Variants in ITGAE observed in about 807,000 individuals in gnomAD.
ITGAE encodes the protein integrin subunit alpha E.
ITGAE carries 99 observed loss-of-function variants against 136.5 expected under a neutral mutation model. The ratio of observed to expected loss-of-function variants is 0.73; its 90% CI spans 0.62 to 0.86. ITGAE has a LOEUF of 0.86. Among genes scored for constraint, ITGAE ranks in the 40% least tolerant of loss-of-function variants. ITGAE has a pLI of 0.00. For missense variants in ITGAE, 1,447 were observed against 1,515.3 expected (o/e 0.95, Z 0.75); for synonymous variants, 613 against 591.8 (o/e 1.04, Z -0.52).
chr17:3,734,957 G>T lies in ITGAE; in HGVS notation c.2523-8C>A, dbSNP rs1356414363. 3.1e-6 allele frequency: 5 copies of T among 1,613,956 alleles called. No individual in the cohort carries two copies. The Admixed American group carries it at 8.3e-5, about 27-fold the overall frequency. On this transcript the variant is annotated splice_region_variant and splice_polypyrimidine_tract_variant and intron_variant, in intron 20 of 30. Transcript: ENST00000263087. The stretch of plus-strand genomic sequence containing the variant: ...CCCACCACCAACTCCTGCCTGCACA[G>T]GGTACAGATAAAAATGTTACAGTTT...
intron 26 of ITGAE, 50 bp downstream of exon 26, chr17:3,727,867 CTG>C: frequency 1.8e-6 from 2 of 1,100,028 alleles, no homozygotes; most frequent in Non-Finnish European, 2.8e-6. Flanking sequence ...ACTTGAGACT[CTG>C]TAGTCACTGT....
At position 3,778,520 on chromosome 17, in the gene ITGAE, A is replaced by T. The variant is rs191066689; in HGVS notation, c.35-860T>A. Among the ~76,000 whole-genome samples the T allele has an allele frequency of 9.2e-5, 14 of 152,254 alleles. 1 individual carries two copies. Among genetic ancestry groups the T allele is most frequent in the Admixed American group, 8.5e-4 (13 of 15,284 alleles). On this transcript the variant is annotated intron_variant, in intron 1 of 30. Coordinates refer to ENST00000263087, the MANE Select transcript of ITGAE (RefSeq NM_002208.5). ...AGAGGTTGCAGTGAGCCGAGATTGC[A>T]CCGCTGCACTCCAGCCTGAGCAACA...
At chr17:3,743,860 G>A (rs561629470) in intron 18 of ITGAE, among the ~76,000 whole-genome samples, 2 of 151,554 alleles carry the variant, frequency 1.3e-5, no homozygotes, top group East Asian at 1.9e-4. Flanking sequence ...GTGCTACCAC[G>A]CCTGGCTAAT....
chr17:3,724,359 G>A, intron 26 of ITGAE: 1 of 1,601,314 alleles, frequency 6.2e-7, no homozygotes, highest in Non-Finnish European at 8.5e-7. Context: ...CCCCAGCCGC[G>A]ACTCCGGCCG....
At chr17:3,761,891 C>A in intron 4 of ITGAE, 24 bp downstream of exon 4, 1 of 1,607,428 alleles carries the variant, frequency 6.2e-7, no homozygotes, top group Non-Finnish European at 8.5e-7. Context: ...CTAAGGCCCT[C>A]CCTCCTCTCG....
At chr17:3,728,837 G>C (rs1037651468) in intron 24 of ITGAE, among the ~76,000 whole-genome samples, 1 of 151,472 alleles carries the variant, frequency 6.6e-6, no homozygotes. Context: ...TTCAAGACCA[G>C]CCTGGCCAAC....
chr17:3,755,106 C>A lies in ITGAE; in HGVS notation c.1384+11G>T. ...GGTGGCCCCGCCCTCATCAGGTGGC[C>A]CCGCCCTCACCCAGGTAGCTGTACT... On this transcript the variant is annotated intron_variant, in intron 12 of 30. Coordinates refer to ENST00000263087, the MANE Select transcript of ITGAE (RefSeq NM_002208.5). 6.3e-7 allele frequency: 1 copy of A among 1,582,966 alleles called. No individual in the cohort carries two copies. Among genetic ancestry groups the A allele is most frequent in the Non-Finnish European group, 8.6e-7 (1 of 1,168,294 alleles).
At chr17:3,794,838 T>TC (rs1256176163) in intron 1 of ITGAE, among the ~76,000 whole-genome samples, 2 of 151,754 alleles carry the variant, frequency 1.3e-5, no homozygotes, top group African/African-American at 4.8e-5. Context: ...GGGGCCTTCT[T>TC]CCCCCCGTTT....
At chr17:3,753,974 G>A (rs1400001640) in intron 12 of ITGAE, 49 bp from the exon 13 acceptor site, 3 of 1,591,294 alleles carry the variant, frequency 1.9e-6, no homozygotes, top group Non-Finnish European at 2.6e-6. Context: ...CTCCCACCTG[G>A]CCTCTCTCTT....
rs116382219 is a variant in ITGAE, at chr17:3,796,361, C to T, written c.34+4750G>A. On this transcript the variant is annotated intron_variant, in intron 1 of 30. Coordinates refer to ENST00000263087, the MANE Select transcript of ITGAE (RefSeq NM_002208.5). ...AACCACCTCCTGTTGCATTTCCCACCAGGACTCAGAAAACAGCATTGTCTT... is the reference window on the plus strand; with the variant it reads ...AACCACCTCCTGTTGCATTTCCCACTAGGACTCAGAAAACAGCATTGTCTT... Among the ~76,000 whole-genome samples, 743 of 152,228 alleles carry T rather than the reference C, an allele frequency of 4.9e-3. 6 individuals carry two copies. Among genetic ancestry groups the T allele is most frequent in the African/African-American group, 0.017 (706 of 41,522 alleles).
Position 3,734,727 on chromosome 17 carries a change from G to A in ITGAE, c.2655+90C>T. The A allele has an allele frequency of 5.3e-6, 8 of 1,502,804 alleles. No individual in the cohort carries two copies. The South Asian group carries it at 8.4e-5, about 16-fold the overall frequency. 93.1% of individuals were successfully genotyped at this position (1,502,804 alleles called of 1,614,324 possible). ...GGACCAGGAGGAGGCTGGAGGCAGG[G>A]GTGCCAGTGAGGGGGCCACCACAGA... On this transcript the variant is annotated intron_variant, in intron 21 of 30. Coordinates refer to ENST00000263087, the MANE Select transcript of ITGAE (RefSeq NM_002208.5).
intron 2 of ITGAE, among the ~76,000 whole-genome samples, chr17:3,773,593 G>A (rs73318134): frequency 0.092 from 14,000 of 152,082 alleles, 704 homozygotes; most frequent in East Asian, 0.18. Flanking sequence ...ATGCCCTCTC[G>A]GGGGCCACCC....
At position 3,751,632 on chromosome 17, in the gene ITGAE, G is replaced by A; in HGVS notation, c.1893+18C>T. 1.9e-6 allele frequency: 3 copies of A among 1,607,620 alleles called. No homozygotes were observed. Among genetic ancestry groups the A allele is most frequent in the Non-Finnish European group, 2.6e-6 (3 of 1,174,538 alleles). ...TCAGAGCCCCAGAGGAGAGGAAGGA[G>A]AGGGCCCCATGGGTCACCTGCGAGG... On this transcript the variant is annotated intron_variant, in intron 15 of 30. Coordinates refer to ENST00000263087, the MANE Select transcript of ITGAE (RefSeq NM_002208.5).
At chr17:3,755,283 C>T in intron 11 of ITGAE, 22 bp from the exon 12 acceptor site, 1 of 1,546,630 alleles carries the variant, frequency 6.5e-7, no homozygotes, top group Non-Finnish European at 8.7e-7. Flanking sequence ...GGGGATGGGG[C>T]CCAGATGAGT....
At chr17:3,718,262 T>C (rs1245013564) in intron 29 of ITGAE, 1 of 152,252 alleles carries the variant, frequency 6.6e-6, no homozygotes, top group African/African-American at 2.4e-5. Context: ...CTGGGAGCTT[T>C]TGGAAACTGT....
At chr17:3,723,198 C>G (rs1468529912) in intron 28 of ITGAE, 90 bp downstream of exon 28, 1 of 909,932 alleles carries the variant, frequency 1.1e-6, no homozygotes, top group African/African-American at 1.6e-5. Context: ...TGGACATGGA[C>G]ATGTTATGCA....
In ITGAE at chr17:3,769,972, C is replaced by T. The variant is rs1188420493; in HGVS notation, c.156-6012G>A. On this transcript the variant is annotated intron_variant, in intron 2 of 30. Coordinates refer to ENST00000263087, the MANE Select transcript of ITGAE (RefSeq NM_002208.5). Reference sequence around the variant, plus strand: ...CCTTCCAAAGTGCTGAGACTACAGGCACGAGCCACCATGCCTGACCTTATT... The same window carrying T: ...CCTTCCAAAGTGCTGAGACTACAGGTACGAGCCACCATGCCTGACCTTATT... 3.3e-5 allele frequency among the ~76,000 whole-genome samples: 5 copies of T among 152,086 alleles called. No homozygotes were observed. The East Asian group carries it at 9.7e-4, about 29-fold the overall frequency.
rs1202211102 is a variant in ITGAE, at chr17:3,755,875, G to C, written c.1194C>G (p.His398Gln). The part of the protein sequence containing the change: ...SMEGTVGDAL[H>Q]YQLAQIGFSA... ...TGAAGCCAATCTGTGCCAGCTGGTA[G>C]TGAAGGGCGTCTCCAACCGTGCCTG... The change falls in exon 11 of 31, where the codon CAC (histidine) becomes CAG (glutamine). Residue 398 changes from histidine to glutamine, a missense_variant. Coordinates refer to ENST00000263087, the MANE Select transcript of ITGAE (RefSeq NM_002208.5). 1.3e-6 allele frequency: 2 copies of C among 1,599,968 alleles called. No individual in the cohort carries two copies.
At chr17:3,723,865 CA>C (rs2051126819) in intron 26 of ITGAE, 121 bp from the exon 27 acceptor site, 4 of 1,515,936 alleles carry the variant, frequency 2.6e-6, no homozygotes, top group Non-Finnish European at 3.5e-6. Flanking sequence ...GACCCCGCGG[CA>C]GGCGGGCGCG....
Sources: gnomAD v4.1 joint callset for allele counts (sites outside exome capture counted in the v4.1 genomes callset) on GRCh38, gnomAD v4.1.1 for gene constraint, MANE v1.5 for transcripts, NCBI Gene and HGNC (gene_info 2026-07-23, HGNC 2026-07-21) for gene names.